The following NUP160 variants were observed in gnomAD, a reference collection of about 807,000 sequenced individuals.
NUP160 encodes the protein nuclear pore complex protein Nup160.
Under a neutral mutation model 196.9 loss-of-function variants are expected in NUP160, and 94 were observed. The ratio of observed to expected loss-of-function variants is 0.48; its 90% CI spans 0.40 to 0.57. NUP160 has a LOEUF of 0.57. Among genes scored for constraint, NUP160 ranks in the 20% least tolerant of loss-of-function variants. The pLI is 0.00. For synonymous variants in NUP160, 605 were observed against 619.7 expected (o/e 0.98, Z 0.35); for missense variants, 1,638 against 1,748.3 (o/e 0.94, Z 1.13).
intron 9 of NUP160, among the ~76,000 whole-genome samples, chr11:47,820,444 A>T (rs1851834026): frequency 6.6e-6 from 1 of 152,250 alleles, no homozygotes; most frequent in South Asian, 2.1e-4. Flanking sequence ...AATACTACAC[A>T]TTCATAGCTC....
chr11:47,848,544 TC>T, upstream of NUP160: 1 of 782,340 alleles, frequency 1.3e-6, no homozygotes, highest in Admixed American at 2.9e-5. Flanking sequence ...GCGGGAACCT[TC>T]CAGTGGCCGG....
chr11:47,836,274 G>C (rs1852173460), intron 6 of NUP160, among the ~76,000 whole-genome samples: 1 of 151,728 alleles, frequency 6.6e-6, no homozygotes, highest in Non-Finnish European at 1.5e-5. Context: ...AGGGAGGGAG[G>C]GGCTAACATG....
intron 10 of NUP160, among the ~76,000 whole-genome samples, chr11:47,819,072 G>A (rs1851800550): frequency 6.6e-6 from 1 of 152,090 alleles, no homozygotes; most frequent in African/African-American, 2.4e-5. Flanking sequence ...CCAGCACTTT[G>A]GGAGGCCGAG....
At chr11:47,812,345 C>T (rs1309870390) in exon 16 of NUP160, 3 of 1,613,840 alleles carry the variant, frequency 1.9e-6, no homozygotes, top group South Asian at 2.2e-5. Flanking sequence ...TTTCATAATC[C>T]ATTTCCCGTA....
intron 17 of NUP160, among the ~76,000 whole-genome samples, chr11:47,809,315 T>C (rs1037781470): frequency 1.3e-5 from 2 of 148,682 alleles, no homozygotes; most frequent in Non-Finnish European, 3.0e-5. Context: ...TTCTCTCATA[T>C]ACTGCTGGTG....
rs764874201 is a variant in NUP160 at position 47,797,972 on chromosome 11, A to C, written c.3183+6T>G. On this transcript the variant is annotated splice_donor_region_variant and intron_variant, in intron 26 of 35. Transcript: ENST00000378460. ...TTGAAAGCCATCACTGGATAAGTAAAATTACCTCATTATGCAGATTCACAT... is the reference window on the plus strand; with the variant it reads ...TTGAAAGCCATCACTGGATAAGTAACATTACCTCATTATGCAGATTCACAT... The C allele has an allele frequency of 1.1e-5, 18 of 1,570,284 alleles. No individual in the cohort carries two copies. The Admixed American group carries it at 3.1e-4, about 27-fold the overall frequency.
chr11:47,847,611 T>C (rs960782023), intron 2 of NUP160, among the ~76,000 whole-genome samples: 2 of 122,768 alleles, frequency 1.6e-5, no homozygotes, highest in African/African-American at 6.2e-5. Flanking sequence ...ACATTTCCTC[T>C]GCTTCTGGTG....
Position 47,829,239 on chromosome 11 carries a change from T to C in NUP160, c.1101+6412A>G, listed in dbSNP as rs190150988. On this transcript the variant is annotated intron_variant, in intron 7 of 35. Transcript: ENST00000378460. ...TCCAGAATAATACAGTTACATACTA[T>C]ATAATGATGCTTTGGTATATGGACC... Among the ~76,000 whole-genome samples, 58 of 152,348 alleles carry C rather than the reference T, an allele frequency of 3.8e-4. No individual in the cohort carries two copies. The Middle Eastern group carries it at 0.01, about 27-fold the overall frequency.
At chr11:47,835,518 C>T (rs1316861711) in intron 7 of NUP160, 133 bp downstream of exon 7, 22 of 594,786 alleles carry the variant, frequency 3.7e-5, no homozygotes, top group Non-Finnish European at 5.4e-5. Flanking sequence ...CATAGTAGCA[C>T]GAAACCCAAC....
chr11:47,788,833 G>A (rs2097666256), intron 29 of NUP160, among the ~76,000 whole-genome samples: 2 of 151,888 alleles, frequency 1.3e-5, no homozygotes, highest in African/African-American at 2.4e-5. Context: ...AGTTGAGGAG[G>A]TGCTTACAAG....
At chr11:47,814,070 CAAAAAAAA>C (rs5791787) in intron 13 of NUP160, among the ~76,000 whole-genome samples, 3 of 39,834 alleles carry the variant, frequency 7.5e-5, no homozygotes, top group Admixed American at 5.3e-4. Context: ...GACTCTGTCT[CAAAAAAAA>C]AAAAAAAAAA....
At chr11:47,844,923 G>C (rs1852370222) in intron 2 of NUP160, among the ~76,000 whole-genome samples, 1 of 152,118 alleles carries the variant, frequency 6.6e-6, no homozygotes, top group South Asian at 2.1e-4. Flanking sequence ...AAACCAAAAT[G>C]GCGACAAGGG....
exon 17 of NUP160, chr11:47,812,166 C>T (rs750442923): frequency 6.2e-7 from 1 of 1,614,086 alleles, no homozygotes; most frequent in Non-Finnish European, 8.5e-7. Context: ...ACACAATATA[C>T]CCTGCTGTGT....
At chr11:47,821,426 T>C (rs1349907568) in intron 9 of NUP160, 1 of 260,396 alleles carries the variant, frequency 3.8e-6, no homozygotes, top group Non-Finnish European at 7.2e-6. Flanking sequence ...GGAGCAATGT[T>C]GGCTCACTGC....
At chr11:47,815,099 T>G (rs1297449358) in intron 13 of NUP160, 1 of 153,944 alleles carries the variant, frequency 6.5e-6, no homozygotes, top group Non-Finnish European at 1.4e-5. Context: ...GGTGTGATGG[T>G]GTACACCTGT....
intron 29 of NUP160, among the ~76,000 whole-genome samples, chr11:47,790,745 C>A (rs529229343): frequency 1.3e-5 from 2 of 152,230 alleles, no homozygotes; most frequent in Admixed American, 6.5e-5. Context: ...CACAGTGAGA[C>A]CCTGTTTCAA....
intron 7 of NUP160, among the ~76,000 whole-genome samples, chr11:47,824,022 T>C (rs939730145): frequency 1.9e-4 from 21 of 110,382 alleles, no homozygotes; most frequent in Non-Finnish European, 2.9e-4. Flanking sequence ...TATATATATA[T>C]ATATATATAT....
chr11:47,837,336 C>G (rs959529769), intron 5 of NUP160, among the ~76,000 whole-genome samples: 3 of 152,150 alleles, frequency 2.0e-5, no homozygotes, highest in Non-Finnish European at 4.4e-5. Context: ...AGAATATAAA[C>G]AGGCCGATTT....
chr11:47,839,738 CG>C (rs900147340), intron 4 of NUP160, 104 bp downstream of exon 4: 4 of 926,018 alleles, frequency 4.3e-6, no homozygotes, highest in Non-Finnish European at 7.0e-6. Context: ...TGACCAGTTC[CG>C]GGGCAGTAGA....
Sources: allele counts gnomAD v4.1 joint callset (sites outside exome capture counted in the v4.1 genomes callset), GRCh38; gene constraint gnomAD v4.1.1; transcripts MANE v1.5; gene names NCBI Gene and HGNC (gene_info 2026-07-23, HGNC 2026-07-21).